Variants in DOCK10 observed in about 807,000 individuals in gnomAD.
DOCK10 encodes dedicator of cytokinesis protein 10.
DOCK10 carries 145 observed loss-of-function variants against 280.1 expected under a neutral mutation model. The ratio of observed to expected loss-of-function variants is 0.52; its 90% CI spans 0.45 to 0.59. The LOEUF (loss-of-function observed/expected upper bound fraction) is 0.59. DOCK10 is among the 20% of genes least tolerant of loss of function. DOCK10 has a pLI of 0.00. For missense variants in DOCK10, 2,368 were observed against 2,651.7 expected (o/e 0.89, Z 2.35); for synonymous variants, 915 against 942.2 (o/e 0.97, Z 0.53).
chr2:224,975,370 G>C (rs1705372403), intron 1 of DOCK10, among the ~76,000 whole-genome samples: 1 of 152,144 alleles, frequency 6.6e-6, no homozygotes, highest in Admixed American at 6.5e-5. Context: ...ATTTATGGTA[G>C]ACTGTTTAAA....
intron 1 of DOCK10, among the ~76,000 whole-genome samples, chr2:224,984,750 A>C (rs1705918678): frequency 6.6e-6 from 1 of 152,190 alleles, no homozygotes; most frequent in Non-Finnish European, 1.5e-5. Flanking sequence ...TATGTTTTAC[A>C]TAGCAAATTA....
intron 1 of DOCK10, among the ~76,000 whole-genome samples, chr2:224,961,461 T>TCTTTCTTC: frequency 7.5e-6 from 1 of 133,862 alleles, no homozygotes. Context: ...TTTCTTTCTT[T>TCTTTCTTC]CTTTCTTTTT....
At chr2:224,839,006 C>A (rs1695771524) in intron 24 of DOCK10, among the ~76,000 whole-genome samples, 2 of 152,156 alleles carry the variant, frequency 1.3e-5, no homozygotes. Context: ...TGCCCCCCAG[C>A]AATTACACTT....
At chr2:224,891,973 A>G (rs1349237210) in intron 4 of DOCK10, among the ~76,000 whole-genome samples, 1 of 152,206 alleles carries the variant, frequency 6.6e-6, no homozygotes, top group Non-Finnish European at 1.5e-5. Context: ...CTCCCAGAAG[A>G]GCTGCAATAA....
At chr2:225,007,611 T>G (rs1689310620) in intron 1 of DOCK10, among the ~76,000 whole-genome samples, 1 of 152,180 alleles carries the variant, frequency 6.6e-6, no homozygotes, top group African/African-American at 2.4e-5. Context: ...GAATCTAATA[T>G]TAAGTTGTAT....
intron 39 of DOCK10, among the ~76,000 whole-genome samples, chr2:224,803,175 CCACCACA>C (rs1693131820): frequency 6.6e-6 from 1 of 152,066 alleles, no homozygotes; most frequent in African/African-American, 2.4e-5. Context: ...GAAATCTAAC[CCACCACA>C]CATCTACAAA....
intron 3 of DOCK10, among the ~76,000 whole-genome samples, chr2:224,897,472 C>T (rs924926563): frequency 6.6e-6 from 1 of 152,074 alleles, no homozygotes; most frequent in African/African-American, 2.4e-5. Flanking sequence ...TATAGCCACC[C>T]AGTTGTGCTA....
chr2:224,797,738 C>T (rs1692682662), intron 42 of DOCK10, 94 bp downstream of exon 42: 4 of 1,389,220 alleles, frequency 2.9e-6, no homozygotes, highest in Admixed American at 2.4e-5. Context: ...CTTCTTCCCT[C>T]CCTACTGAGA....
Position 224,931,537 on chromosome 2 carries a change from G to C in DOCK10, c.243+12C>G. On this transcript the variant is annotated intron_variant, in intron 2 of 55. Coordinates refer to ENST00000258390, the MANE Select transcript of DOCK10 (RefSeq NM_014689.3). ...CTCCTGAATCTAAATGGCTTGAGAA[G>C]AGAAGACTTACTGAAAAGTCATCAC... 1 of 1,599,230 alleles carries C rather than the reference G, an allele frequency of 6.3e-7. No homozygotes were observed. Among genetic ancestry groups the C allele is most frequent in the South Asian group, 1.1e-5 (1 of 88,420 alleles).
chr2:224,933,762 A>C (rs2126033125), intron 1 of DOCK10, among the ~76,000 whole-genome samples: 1 of 152,298 alleles, frequency 6.6e-6, no homozygotes, highest in African/African-American at 2.4e-5. Flanking sequence ...CACCAAAATG[A>C]GTAGAGATAT....
At chr2:224,910,896 AG>A (rs1244501061) in intron 3 of DOCK10, among the ~76,000 whole-genome samples, 1 of 152,060 alleles carries the variant, frequency 6.6e-6, no homozygotes, top group East Asian at 1.9e-4. Context: ...GAGTTTTTGC[AG>A]GGTTTTCAGT....
At chr2:224,849,721 AG>A in intron 18 of DOCK10, 122 bp from the exon 19 acceptor site, 3 of 661,794 alleles carry the variant, frequency 4.5e-6, no homozygotes, top group Non-Finnish European at 8.0e-6. Flanking sequence ...ATAACTTGCC[AG>A]GCTAAGCTGG....
At chr2:224,885,154 C>T (rs904330330) in intron 7 of DOCK10, among the ~76,000 whole-genome samples, 4 of 152,152 alleles carry the variant, frequency 2.6e-5, no homozygotes, top group African/African-American at 4.8e-5. Context: ...CCTGTGCCAC[C>T]GCATCTGGCT....
In DOCK10 at chr2:224,823,557, T is replaced by C. The variant is rs764848088; in HGVS notation, c.3127A>G (p.Lys1043Glu). 2 of 1,610,028 alleles carry C rather than the reference T, an allele frequency of 1.2e-6. No individual in the cohort carries two copies. The highest frequency in any genetic ancestry group is 1.7e-5 in the Admixed American group (1 of 59,004). The change falls in exon 28 of 56, where the codon AAG becomes GAG. Residue 1043 changes from lysine (K) to glutamate (E), a missense_variant. Lys to Glu is a moderately conservative substitution (Grantham distance 56, BLOSUM62 1). This residue lies in a region of DOCK10 where 1,159 missense variants were observed against 1,400.8 expected (regional missense o/e 0.83). Coordinates refer to ENST00000258390, the MANE Select transcript of DOCK10 (RefSeq NM_014689.3). ...VLSDHVIWKY[K>E]DALEETRRAN... is the part of the protein sequence containing the mutation. ...CTTCTTGTTTCTTCAAGTGCATCCT[T>C]GTATTTCCAAATCACATGGTCGGAT...
At chr2:224,847,337 G>A (rs1013960648) in intron 19 of DOCK10, among the ~76,000 whole-genome samples, 2 of 152,188 alleles carry the variant, frequency 1.3e-5, no homozygotes, top group Non-Finnish European at 1.5e-5. Context: ...TACTGTGCAG[G>A]TGGTGTGGTC....
At chr2:225,037,719 C>A (rs1575179820) in intron 1 of DOCK10, among the ~76,000 whole-genome samples, 1 of 152,314 alleles carries the variant, frequency 6.6e-6, no homozygotes, top group South Asian at 2.1e-4. Flanking sequence ...AAATTATTTA[C>A]CTTAATGCAT....
chr2:225,014,084 GTTTT>G (rs1174953662), intron 1 of DOCK10, among the ~76,000 whole-genome samples: 2 of 104,434 alleles, frequency 1.9e-5, no homozygotes, highest in Admixed American at 9.4e-5. Flanking sequence ...TGAATATATT[GTTTT>G]TTTTTTTTTG....
At chr2:224,816,383 A>T (rs72970969) in intron 30 of DOCK10, among the ~76,000 whole-genome samples, 8,737 of 152,064 alleles carry the variant, frequency 0.057, 295 homozygotes, top group South Asian at 0.078. Context: ...TCTCTTTAAT[A>T]AAAAGGGAAA....
intron 1 of DOCK10, among the ~76,000 whole-genome samples, chr2:224,935,667 C>G (rs866991034): frequency 6.6e-6 from 1 of 152,080 alleles, no homozygotes; most frequent in Non-Finnish European, 1.5e-5. Context: ...ACTTTTTAAA[C>G]CCCTGGAAGA....
Sources: allele counts gnomAD v4.1 joint callset (sites outside exome capture counted in the v4.1 genomes callset), GRCh38; gene constraint gnomAD v4.1.1; regional missense constraint gnomAD v4.1.1; transcripts MANE v1.5; gene names NCBI Gene and HGNC (gene_info 2026-07-23, HGNC 2026-07-21).